Variants in PLCE1 observed in about 807,000 individuals in gnomAD.
PLCE1 encodes 1-phosphatidylinositol 4,5-bisphosphate phosphodiesterase epsilon-1.
A neutral mutation model predicts 242.8 loss-of-function variants in PLCE1; 119 were observed. The observed-to-expected ratio is 0.49, with a 90% confidence interval of 0.42 to 0.57. PLCE1 has a LOEUF of 0.57. PLCE1 is among the 20% of genes least tolerant of loss of function. The pLI, the probability that PLCE1 is intolerant of heterozygous loss-of-function variation, is 0.00. For missense variants in PLCE1, 2,441 were observed against 2,788.8 expected (o/e 0.88, Z 2.81); for synonymous variants, 945 against 1,017.4 (o/e 0.93, Z 1.35).
Position 94,234,318 on chromosome 10 carries a change from G to T in PLCE1, c.2214+6G>T. 1 of 1,613,604 alleles carries T rather than the reference G, an allele frequency of 6.2e-7. No homozygotes were observed. The highest frequency in any genetic ancestry group is 1.1e-5 in the South Asian group (1 of 91,058). On this transcript the variant is annotated splice_donor_region_variant and intron_variant, in intron 6 of 32. Transcript: ENST00000371380. ...CCCAAGAAGAAACTTTAGAGGTAAG[G>T]CCTTTCAGAATCATCGTGGCCTGAA...
At chr10:94,022,523 A>G (rs1020365216) in intron 1 of PLCE1, among the ~76,000 whole-genome samples, 1 of 152,112 alleles carries the variant, frequency 6.6e-6, no homozygotes, top group African/African-American at 2.4e-5. Flanking sequence ...CAGAAAGTGT[A>G]CTAGCACTGG....
At chr10:94,317,821 T>C (rs2053630916) in intron 29 of PLCE1, among the ~76,000 whole-genome samples, 1 of 152,172 alleles carries the variant, frequency 6.6e-6, no homozygotes, top group Non-Finnish European at 1.5e-5. Flanking sequence ...CAGTCATGCG[T>C]CATGACATGT....
At chr10:94,238,432 G>A (rs937549590) in intron 7 of PLCE1, among the ~76,000 whole-genome samples, 1 of 152,172 alleles carries the variant, frequency 6.6e-6, no homozygotes, top group Admixed American at 6.5e-5. Flanking sequence ...CGGGTCATGA[G>A]CCTGACCATG....
At chr10:94,320,447 CCCTGGTTGCAGTTTTGGCGCCA>C (rs1470683408) in intron 29 of PLCE1, among the ~76,000 whole-genome samples, 2 of 152,186 alleles carry the variant, frequency 1.3e-5, no homozygotes, top group Non-Finnish European at 2.9e-5. Context: ...TCCTTTCTGG[CCCTGGTTGCAGTTTTGGCGCCA>C]CCTGGTGGCA....
chr10:94,281,702 A>T (rs149667761), intron 20 of PLCE1, among the ~76,000 whole-genome samples: 1,959 of 152,216 alleles, frequency 0.013, 48 homozygotes, highest in African/African-American at 0.043. Flanking sequence ...TACTTCCAGC[A>T]CTAAGATCTG....
rs1303425998 is a variant in PLCE1 at position 94,030,838 on chromosome 10, G to GA, written c.-203dup. 12 of 589,364 alleles carry GA rather than the reference G, an allele frequency of 2.0e-5. No homozygotes were observed. The highest frequency in any genetic ancestry group is 6.2e-5 in the Admixed American group (2 of 32,478). 36.5% of individuals were successfully genotyped at this position (589,364 alleles called of 1,614,324 possible). On this transcript the variant is annotated 5_prime_UTR_variant, in exon 2 of 33. Transcript: ENST00000371380. ...TCTACCACCTTAAAACCCTGATCTA[G>GA]AAAAAATATATATTCATGATAGGAA...
chr10:94,239,250 C>T (rs2050421693), intron 7 of PLCE1, among the ~76,000 whole-genome samples: 1 of 152,146 alleles, frequency 6.6e-6, no homozygotes, highest in Non-Finnish European at 1.5e-5. Context: ...CCCTATAATC[C>T]CCACGTGTCA....
Position 94,255,988 on chromosome 10 carries a change from T to C in PLCE1, c.3554+939T>C, listed in dbSNP as rs2051080353. Among the ~76,000 whole-genome samples, 3 of 142,494 alleles carry C rather than the reference T, an allele frequency of 2.1e-5. No homozygotes were observed. The Admixed American group carries it at 2.1e-4, about 10-fold the overall frequency. 93.5% of individuals were successfully genotyped at this position (142,494 alleles called of 152,430 possible). A position where few individuals can be genotyped will look rare whatever the true frequency, so the allele number is the denominator to read the frequency against. ...CCCTCCCTCTCTCCCCACGCCCCTC[T>C]CTCTCTTTCTCCCTTTCTCTCTCTT... On this transcript the variant is annotated intron_variant, in intron 11 of 32. Coordinates refer to ENST00000371380, the MANE Select transcript of PLCE1 (RefSeq NM_016341.4).
rs563640126 is a variant in PLCE1 at position 94,180,093 on chromosome 10, G to C, written c.1809+8597G>C. 2.8e-4 allele frequency among the ~76,000 whole-genome samples: 38 copies of C among 136,010 alleles called. 1 individual carries two copies. In the South Asian group the frequency reaches 8.2e-3, roughly 29 times the overall value. The allele number at this position is 136,010 out of a possible 152,430, so 89.2% of individuals were successfully genotyped here. The stretch of plus-strand genomic sequence containing the variant: ...ACCTGTGGTTTCAGAGGTGACAGTT[G>C]AACCCAGTTGTTCTGGCTTCCAGAG... On this transcript the variant is annotated intron_variant, in intron 4 of 32. Coordinates refer to ENST00000371380, the MANE Select transcript of PLCE1 (RefSeq NM_016341.4).
At chr10:94,021,023 G>T (rs1488976563) in intron 1 of PLCE1, among the ~76,000 whole-genome samples, 2 of 151,992 alleles carry the variant, frequency 1.3e-5, no homozygotes, top group East Asian at 3.9e-4. Flanking sequence ...TAGAGATGGG[G>T]TTTCACTATG....
chr10:94,011,603 C>G (rs1191914547), intron 1 of PLCE1, among the ~76,000 whole-genome samples: 1 of 152,142 alleles, frequency 6.6e-6, no homozygotes, highest in Non-Finnish European at 1.5e-5. Flanking sequence ...CACCTCTGTC[C>G]CCAGGTTCTG....
rs34787476 is a variant in PLCE1 at position 94,321,629 on chromosome 10, G to GA, written c.6343-255dup. 0.14 allele frequency among the ~76,000 whole-genome samples: 15,108 copies of GA among 104,456 alleles called. 931 individuals carry two copies. Among genetic ancestry groups the GA allele is most frequent in the East Asian group, 0.28 (885 of 3,204 alleles). 68.5% of individuals were successfully genotyped at this position (104,456 alleles called of 152,430 possible). ...GGCAACAGAGCAAGACTCCATCTCA[G>GA]AAAAAAAAAAAAAAAAACCCACAGC... On this transcript the variant is annotated intron_variant, in intron 29 of 32. Coordinates refer to ENST00000371380, the MANE Select transcript of PLCE1 (RefSeq NM_016341.4).
chr10:94,181,493 G>A (rs987587146), intron 4 of PLCE1, among the ~76,000 whole-genome samples: 11 of 151,764 alleles, frequency 7.2e-5, no homozygotes, highest in Non-Finnish European at 2.9e-5. Context: ...GGAGAATGGC[G>A]TGAACCCAGG....
intron 3 of PLCE1, among the ~76,000 whole-genome samples, chr10:94,155,366 A>G (rs1010708737): frequency 6.6e-6 from 1 of 152,220 alleles, no homozygotes. Flanking sequence ...TGCTAAGTGA[A>G]AGAAGCCAGA....
chr10:94,001,562 C>T (rs1250006898), intron 1 of PLCE1, among the ~76,000 whole-genome samples: 1 of 152,122 alleles, frequency 6.6e-6, no homozygotes, highest in Non-Finnish European at 1.5e-5. Context: ...TATAATATTA[C>T]TGACTATGGA....
Position 94,015,750 on chromosome 10 carries a change from A to G in PLCE1, c.-364-14933A>G, listed in dbSNP as rs2061265936. 2.6e-5 allele frequency among the ~76,000 whole-genome samples: 4 copies of G among 152,170 alleles called. No homozygotes were observed. The South Asian group carries it at 8.3e-4, about 31-fold the overall frequency. On this transcript the variant is annotated intron_variant, in intron 1 of 32. Coordinates refer to ENST00000371380, the MANE Select transcript of PLCE1 (RefSeq NM_016341.4). ...GGTTCAGGGAATAGGGGGCTAGCGCACCCTAACTGAAATGAGTGTCAAACT... is the reference window on the plus strand; with the variant it reads ...GGTTCAGGGAATAGGGGGCTAGCGCGCCCTAACTGAAATGAGTGTCAAACT...
At chr10:94,268,446 C>T (rs984502554) in intron 16 of PLCE1, among the ~76,000 whole-genome samples, 3 of 152,180 alleles carry the variant, frequency 2.0e-5, no homozygotes, top group Non-Finnish European at 4.4e-5. Context: ...GATGTTTAAT[C>T]GTGGCTTAAT....
At chr10:94,267,515 T>C (rs2133086346) in intron 16 of PLCE1, among the ~76,000 whole-genome samples, 1 of 152,316 alleles carries the variant, frequency 6.6e-6, no homozygotes. Flanking sequence ...CATTACTCCA[T>C]GGGGCAAATG....
intron 24 of PLCE1, among the ~76,000 whole-genome samples, chr10:94,303,952 A>C (rs2053121502): frequency 6.6e-6 from 1 of 152,198 alleles, no homozygotes; most frequent in Non-Finnish European, 1.5e-5. Flanking sequence ...AGATGATTTT[A>C]AGTATACAGA....
Sources: gnomAD v4.1 joint callset for allele counts (sites outside exome capture counted in the v4.1 genomes callset) on GRCh38, gnomAD v4.1.1 for gene constraint, MANE v1.5 for transcripts, NCBI Gene and HGNC (gene_info 2026-07-23, HGNC 2026-07-21) for gene names.